HAT1: variants seen among roughly 807,000 people sequenced by gnomAD.
HAT1 encodes the protein histone acetyltransferase type B catalytic subunit.
HAT1 carries 20 observed loss-of-function variants against 56.6 expected under a neutral mutation model. That is an observed-to-expected ratio of 0.35 (90% confidence interval 0.25 to 0.51). The LOEUF (loss-of-function observed/expected upper bound fraction) is 0.51. Ranked by LOEUF, HAT1 falls within the 20% of genes least tolerant of loss-of-function variation. The probability of loss-of-function intolerance (pLI) is 0.95; values close to 1 mark genes in which losing one functional copy is unlikely to be tolerated. For missense variants in HAT1, 408 were observed against 504.3 expected (o/e 0.81, Z 1.83); for synonymous variants, 146 against 165.5 (o/e 0.88, Z 0.91).
intron 2 of HAT1, among the ~76,000 whole-genome samples, chr2:171,928,061 A>AT (rs1372597388): frequency 6.6e-6 from 1 of 151,560 alleles, no homozygotes; most frequent in Non-Finnish European, 1.5e-5. Flanking sequence ...TGATTTTTGT[A>AT]TTTTTAGTAG....
At chr2:171,938,056 CTCTCTCTCTCTCTCTCTCTT>C (rs759694321) in intron 2 of HAT1, among the ~76,000 whole-genome samples, 67 of 143,604 alleles carry the variant, frequency 4.7e-4, no homozygotes, top group Non-Finnish European at 8.0e-4. Context: ...CTCTCTCTCT[CTCTCTCTCTCTCTCTCTCTT>C]TAAATGAACT....
intron 8 of HAT1, among the ~76,000 whole-genome samples, 161 bp from the exon 9 acceptor site, chr2:171,975,996 C>CAGG (rs1283782449): frequency 8.0e-4 from 2 of 2,512 alleles, no homozygotes; most frequent in African/African-American, 7.4e-4. Context: ...CTCTGTCACC[C>CAGG]AGGCTGGAGT....
intron 1 of HAT1, chr2:171,924,400 T>C (rs1389758474): frequency 6.6e-6 from 1 of 152,168 alleles, no homozygotes; most frequent in African/African-American, 2.4e-5. Flanking sequence ...TTTCACCATG[T>C]TGGCCAGGAT....
At chr2:171,982,264 C>T (rs1431658474) in intron 10 of HAT1, among the ~76,000 whole-genome samples, 4 of 152,110 alleles carry the variant, frequency 2.6e-5, no homozygotes, top group Admixed American at 6.6e-5. Context: ...TTTGGGAGGC[C>T]AAGGTGGGTG....
At chr2:171,976,744 G>C (rs1012922103) in intron 9 of HAT1, among the ~76,000 whole-genome samples, 7 of 152,024 alleles carry the variant, frequency 4.6e-5, no homozygotes, top group Admixed American at 6.6e-5. Flanking sequence ...CTTAAGATAG[G>C]TACAGAAAAA....
intron 9 of HAT1, 63 bp from the exon 10 acceptor site, chr2:171,979,184 T>C: frequency 1.3e-6 from 1 of 780,718 alleles, no homozygotes; most frequent in Non-Finnish European, 2.2e-6. Context: ...TCCTGTGTTC[T>C]TTTGGGAAAG....
intron 8 of HAT1, among the ~76,000 whole-genome samples, chr2:171,973,288 G>C (rs1000918850): frequency 2.3e-4 from 34 of 150,908 alleles, no homozygotes; most frequent in Admixed American, 2.1e-3. Flanking sequence ...CCACATATGA[G>C]TCTTGAAATC....
chr2:171,966,993 T>C, intron 8 of HAT1, 44 bp downstream of exon 8: 1 of 836,390 alleles, frequency 1.2e-6, no homozygotes, highest in Non-Finnish European at 2.0e-6. Context: ...TTTCTAAAAA[T>C]GTCTTCTTAC....
chr2:171,937,843 G>A (rs1475873677), intron 2 of HAT1, among the ~76,000 whole-genome samples: 1 of 152,086 alleles, frequency 6.6e-6, no homozygotes, highest in Admixed American at 6.6e-5. Flanking sequence ...GCAACATAGC[G>A]AGACCTTGTC....
At chr2:171,973,720 C>A (rs77622773) in intron 8 of HAT1, among the ~76,000 whole-genome samples, 5,202 of 152,240 alleles carry the variant, frequency 0.034, 118 homozygotes, top group Non-Finnish European at 0.051. Context: ...ATCTAACTAA[C>A]GCCTGATGAC....
chr2:171,963,607 T>C (rs1687623451), intron 4 of HAT1, among the ~76,000 whole-genome samples: 1 of 152,230 alleles, frequency 6.6e-6, no homozygotes, highest in Non-Finnish European at 1.5e-5. Flanking sequence ...AATCCCTTTT[T>C]AAAAGTAGTT....
intron 2 of HAT1, among the ~76,000 whole-genome samples, chr2:171,943,088 T>A (rs1483706117): frequency 8.4e-5 from 11 of 131,618 alleles, no homozygotes; most frequent in East Asian, 6.7e-4. Flanking sequence ...TTTTTTTTTT[T>A]AACTATTACA....
chr2:171,959,967 G>A (rs572709712), intron 4 of HAT1, among the ~76,000 whole-genome samples: 2 of 152,190 alleles, frequency 1.3e-5, no homozygotes, highest in African/African-American at 4.8e-5. Context: ...AGATTACCAG[G>A]GTTAAATCAT....
intron 9 of HAT1, among the ~76,000 whole-genome samples, chr2:171,977,549 ATATATATATT>A (rs1258814476): frequency 2.8e-4 from 4 of 14,130 alleles, no homozygotes; most frequent in African/African-American, 1.3e-3. Flanking sequence ...ATATATATAT[ATATATATATT>A]TTTTTTTTTT....
chr2:171,958,447 T>A (rs1414826305), intron 4 of HAT1, among the ~76,000 whole-genome samples: 1 of 152,074 alleles, frequency 6.6e-6, no homozygotes, highest in Non-Finnish European at 1.5e-5. Flanking sequence ...AAAAAAAATA[T>A]TTTTTTAATT....
intron 2 of HAT1, among the ~76,000 whole-genome samples, chr2:171,939,081 GCAGTTGACCCTATTC>G (rs1686950006): frequency 6.6e-6 from 1 of 152,110 alleles, no homozygotes; most frequent in Non-Finnish European, 1.5e-5. Flanking sequence ...GCTGTCTTAA[GCAGTTGACCCTATTC>G]CAGCACGGAT....
intron 2 of HAT1, among the ~76,000 whole-genome samples, chr2:171,931,750 C>T (rs952704144): frequency 2.0e-5 from 3 of 152,178 alleles, no homozygotes; most frequent in Non-Finnish European, 4.4e-5. Context: ...CAGCCAATCT[C>T]ATGTTGATCC....
At chr2:171,944,806 T>A (rs1467794208) in intron 2 of HAT1, among the ~76,000 whole-genome samples, 4 of 152,212 alleles carry the variant, frequency 2.6e-5, no homozygotes, top group Non-Finnish European at 5.9e-5. Flanking sequence ...ATGCTGGTGA[T>A]ACTTTGGCAT....
rs199575205 is a variant in HAT1 at position 171,983,339 on chromosome 2, T to G, written c.1247T>G (p.Leu416Arg). ...VEDYRRVIER[L>R]AQE ...GATTACCGGCGTGTTATTGAACGAC[T>G]TGCTCAAGAGTAAAGATTATACTGC... The change falls in exon 11 of 11, where the codon CTT (leucine) becomes CGT (arginine). Residue 416 changes from leucine to arginine, a missense_variant. Transcript: ENST00000264108. The G allele has an allele frequency of 1.2e-6, 2 of 1,604,856 alleles. No homozygotes were observed. The highest frequency in any genetic ancestry group is 1.7e-6 in the Non-Finnish European group (2 of 1,173,982).
Sources: allele counts gnomAD v4.1 joint callset (sites outside exome capture counted in the v4.1 genomes callset), GRCh38; gene constraint gnomAD v4.1.1; transcripts MANE v1.5; gene names NCBI Gene and HGNC (gene_info 2026-07-23, HGNC 2026-07-21).